Variants in PCDHGA3 observed in about 807,000 individuals in gnomAD.
PCDHGA3 encodes the protein protocadherin gamma-A3.
In PCDHGA3, 40 loss-of-function variants were observed where a neutral mutation model predicts 58.5. The observed-to-expected ratio is 0.68, with a 90% CI of 0.53 to 0.89. PCDHGA3 has a LOEUF of 0.89. Ranked by LOEUF, PCDHGA3 falls within the 40% of genes least tolerant of loss-of-function variation. The pLI, the probability that PCDHGA3 is intolerant of heterozygous loss-of-function variation, is 0.00. For missense variants in PCDHGA3, 1,223 were observed against 1,195.9 expected, an observed-to-expected ratio of 1.02 and a Z score of -0.33; for synonymous variants, 530 against 525.7, an observed-to-expected ratio of 1.01 and a Z score of -0.11.
At chr5:141,467,455 GCTAGTA>G (rs2099144342) in intron 1 of PCDHGA3, among the ~76,000 whole-genome samples, 1 of 152,192 alleles carries the variant, frequency 6.6e-6, no homozygotes, top group African/African-American at 2.4e-5. Context: ...TTCTTCCAGT[GCTAGTA>G]CTTGCATGGT....
intron 1 of PCDHGA3, among the ~76,000 whole-genome samples, chr5:141,446,777 CT>C (rs1480571336): frequency 6.6e-6 from 1 of 152,072 alleles, no homozygotes; most frequent in South Asian, 2.1e-4. Context: ...GGTTACCATT[CT>C]TTTACTCTGA....
intron 1 of PCDHGA3, chr5:141,484,931 A>G (rs940135310): frequency 1.4e-5 from 7 of 497,998 alleles, no homozygotes; most frequent in Non-Finnish European, 2.5e-5. Flanking sequence ...TGCTGTTGGG[A>G]CGTTCTCTGC....
At position 141,486,460 on chromosome 5, in the gene PCDHGA3, T is replaced by A. The variant is rs1218788640; in HGVS notation, c.2425-8347T>A. 6.2e-7 allele frequency: 1 copy of A among 1,614,146 alleles called. No individual in the cohort carries two copies. Among genetic ancestry groups the A allele is most frequent in the South Asian group, 1.1e-5 (1 of 91,082 alleles). On this transcript the variant is annotated intron_variant, in intron 1 of 3. Coordinates refer to ENST00000253812, the MANE Select transcript of PCDHGA3 (RefSeq NM_018916.4). The surrounding 1 kb of genome is among the most constrained non-coding windows in gnomAD (Gnocchi z 5.0). Reference sequence around the variant, plus strand: ...ATGACATCATGGTCACTGCTTCTGATGCTGGGAACCCTCCTCTCAGTACCC... The same window carrying A: ...ATGACATCATGGTCACTGCTTCTGAAGCTGGGAACCCTCCTCTCAGTACCC...
intron 1 of PCDHGA3, among the ~76,000 whole-genome samples, chr5:141,473,350 G>A (rs28461214): frequency 0.13 from 19,833 of 152,204 alleles, 1,410 homozygotes; most frequent in African/African-American, 0.17. Context: ...CAGTGAGGAT[G>A]CAAGTGGCCA....
chr5:141,428,082 G>A lies in PCDHGA3; in HGVS notation c.2425-66725G>A, dbSNP rs776612130. 2.5e-6 allele frequency: 4 copies of A among 1,609,030 alleles called. No individual in the cohort carries two copies. In the African/African-American group the frequency reaches 5.3e-5, roughly 21 times the overall value. On this transcript the variant is annotated intron_variant, in intron 1 of 3. Transcript: ENST00000253812. ...GGTGGACGCAGATTCGGGACACAACGCTTGGCTGTCCTACCACGTGCTGCA... is the reference window on the plus strand; with the variant it reads ...GGTGGACGCAGATTCGGGACACAACACTTGGCTGTCCTACCACGTGCTGCA...
rs1441140087 is a variant in PCDHGA3, at chr5:141,343,985, CG to C, written c.-48del. ...TTGAGAAAATAAGATTGGAGTCCGT[CG>C]TAGGAAACTGGAACCGAATTCAGAG... On this transcript the variant is annotated 5_prime_UTR_variant, in exon 1 of 4. Transcript: ENST00000253812. 13 of 1,448,204 alleles carry C rather than the reference CG, an allele frequency of 9.0e-6. No homozygotes were observed. The highest frequency in any genetic ancestry group is 1.2e-5 in the Non-Finnish European group (13 of 1,080,056). The allele number at this position is 1,448,204 out of a possible 1,614,324, so 89.7% of individuals were successfully genotyped here. A position where few individuals can be genotyped will look rare whatever the true frequency, so the allele number is the denominator to read the frequency against.
intron 1 of PCDHGA3, chr5:141,427,536 G>A (rs758610182): frequency 4.8e-6 from 3 of 626,396 alleles, no homozygotes; most frequent in Middle Eastern, 2.5e-4. Flanking sequence ...GGAGTACAAC[G>A]TCACCATCAC....
In PCDHGA3 at chr5:141,489,844, C is replaced by G. The variant is rs1004902910; in HGVS notation, c.2425-4963C>G. Reference sequence around the variant, plus strand: ...GCTGGTGCTAGAGCAGCAGCTGGATCGTGAAGCCCAGGCAAGACATCAGCT... The same window carrying G: ...GCTGGTGCTAGAGCAGCAGCTGGATGGTGAAGCCCAGGCAAGACATCAGCT... On this transcript the variant is annotated intron_variant, in intron 1 of 3. Coordinates refer to ENST00000253812, the MANE Select transcript of PCDHGA3 (RefSeq NM_018916.4). The surrounding 1 kb of genome is among the most constrained non-coding windows in gnomAD (Gnocchi z 4.5). The G allele has an allele frequency of 1.2e-6, 2 of 1,614,030 alleles. No individual in the cohort carries two copies. Among genetic ancestry groups the G allele is most frequent in the Non-Finnish European group, 8.5e-7 (1 of 1,179,990 alleles).
Position 141,487,401 on chromosome 5 carries a change from T to C in PCDHGA3, c.2425-7406T>C, listed in dbSNP as rs2099644244. The C allele has an allele frequency of 6.2e-7, 1 of 1,614,134 alleles. No individual in the cohort carries two copies. The highest frequency in any genetic ancestry group is 1.3e-5 in the African/African-American group (1 of 75,046). On this transcript the variant is annotated intron_variant, in intron 1 of 3. Transcript: ENST00000253812. This position sits in a 1 kb window ranked among gnomAD's most constrained non-coding sequence, Gnocchi z 5.0. ...ACCAGATCTCGAAGGAGGGAGGGGCTTCCCCCTTCCAATGGGATCCTCCGA... is the reference window on the plus strand; with the variant it reads ...ACCAGATCTCGAAGGAGGGAGGGGCCTCCCCCTTCCAATGGGATCCTCCGA...
rs763315667 is a variant in PCDHGA3 at position 141,371,544 on chromosome 5, T to C, written c.2424+25087T>C. Reference sequence around the variant, plus strand: ...TTCTGGATTTAATGGAGAAATCCTATGCCAACTAAAAGGAAACTTCCCCTT... The same window carrying C: ...TTCTGGATTTAATGGAGAAATCCTACGCCAACTAAAAGGAAACTTCCCCTT... On this transcript the variant is annotated intron_variant, in intron 1 of 3. Transcript: ENST00000253812. 3.1e-6 allele frequency: 5 copies of C among 1,613,692 alleles called. No homozygotes were observed. The Admixed American group carries it at 5.0e-5, about 16-fold the overall frequency.
intron 1 of PCDHGA3, chr5:141,410,694 T>C: frequency 6.7e-7 from 1 of 1,493,788 alleles, no homozygotes; most frequent in Non-Finnish European, 8.9e-7. Context: ...TACTACTTTA[T>C]TTTCATATCT....
intron 1 of PCDHGA3, chr5:141,362,349 G>A (rs765171901): frequency 1.2e-6 from 2 of 1,613,918 alleles, no homozygotes; most frequent in Admixed American, 1.7e-5. Flanking sequence ...CTGGACCTGG[G>A]GTTCTCCCCA....
At chr5:141,408,297 C>G in intron 1 of PCDHGA3, 1 of 1,613,652 alleles carries the variant, frequency 6.2e-7, no homozygotes, top group East Asian at 2.2e-5. Flanking sequence ...CTGAGTGAGC[C>G]GATCCGCTAC....
intron 1 of PCDHGA3, chr5:141,393,025 G>A (rs1307917992): frequency 6.2e-7 from 1 of 1,613,864 alleles, no homozygotes; most frequent in Non-Finnish European, 8.5e-7. Flanking sequence ...TCCAGAGGTA[G>A]GACGCAGCTC....
Position 141,485,955 on chromosome 5 carries a change from T to C in PCDHGA3, c.2425-8852T>C. 1 of 1,614,152 alleles carries C rather than the reference T, an allele frequency of 6.2e-7. No homozygotes were observed. Among genetic ancestry groups the C allele is most frequent in the Non-Finnish European group, 8.5e-7 (1 of 1,180,018 alleles). On this transcript the variant is annotated intron_variant, in intron 1 of 3. Transcript: ENST00000253812. This position sits in a 1 kb window ranked among gnomAD's most constrained non-coding sequence, Gnocchi z 5.7. ...GAGAGCGCACCAGCGGGCATGGTGC[T>C]CATCCAGCTCAATGCCTCAGACCCG...
At chr5:141,390,355 T>C in intron 1 of PCDHGA3, 1 of 1,554,132 alleles carries the variant, frequency 6.4e-7, no homozygotes, top group Non-Finnish European at 8.8e-7. Flanking sequence ...AATATACATA[T>C]TTGCAGGAAA....
At chr5:141,370,981 T>G in intron 1 of PCDHGA3, 1 of 1,613,994 alleles carries the variant, frequency 6.2e-7, no homozygotes, top group Non-Finnish European at 8.5e-7. Context: ...GAGCTAGTAC[T>G]GAAAGCACCC....
At chr5:141,355,425 C>CGAAAA in intron 1 of PCDHGA3, 1 of 1,614,092 alleles carries the variant, frequency 6.2e-7, no homozygotes, top group Non-Finnish European at 8.5e-7. Context: ...CGCAGCTTTT[C>CGAAAA]GCCCTGAACC....
In PCDHGA3 at chr5:141,486,518, A is replaced by G; in HGVS notation, c.2425-8289A>G. The G allele has an allele frequency of 6.2e-7, 1 of 1,614,132 alleles. No homozygotes were observed. Among genetic ancestry groups the G allele is most frequent in the Non-Finnish European group, 8.5e-7 (1 of 1,179,996 alleles). On this transcript the variant is annotated intron_variant, in intron 1 of 3. Coordinates refer to ENST00000253812, the MANE Select transcript of PCDHGA3 (RefSeq NM_018916.4). The surrounding 1 kb of genome is among the most constrained non-coding windows in gnomAD (Gnocchi z 5.0). ...TATTTTCCTCAATATTTCAGATGTG[A>G]ATGATAATCCACCCTCTTTCTTTCA...
Sources: allele counts gnomAD v4.1 joint callset (sites outside exome capture counted in the v4.1 genomes callset), GRCh38; gene constraint gnomAD v4.1.1; non-coding constraint Gnocchi (gnomAD v3.1); transcripts MANE v1.5; gene names NCBI Gene and HGNC (gene_info 2026-07-23, HGNC 2026-07-21).